The following CIMAP1A variants were observed in gnomAD, a reference collection of about 807,000 sequenced individuals.
CIMAP1A encodes ciliary microtubule associated protein 1A.
the CIMAP1A span, chr11:198,036 G>C: frequency 6.5e-7 from 1 of 1,540,312 alleles, no homozygotes; most frequent in Non-Finnish European, 8.7e-7. Flanking sequence ...CAGCCCTGAA[G>C]TCAGCATTTC....
the CIMAP1A span, chr11:197,940 CAA>C: frequency 1.3e-6 from 2 of 1,508,296 alleles, no homozygotes; most frequent in South Asian, 1.3e-5. Flanking sequence ...GACTCTGGCC[CAA>C]GAGTCCAGCT....
At chr11:197,434 G>A in the CIMAP1A span, 17 of 1,597,812 alleles carry the variant, frequency 1.1e-5, no homozygotes, top group African/African-American at 1.9e-4. Context: ...GAGAGACTGT[G>A]GGAGAGGGTC....
the CIMAP1A span, chr11:198,609 C>G: frequency 6.3e-7 from 1 of 1,584,856 alleles, no homozygotes; most frequent in Middle Eastern, 1.7e-4. Context: ...CAACTGAGAA[C>G]AGAGAATCAC....
the CIMAP1A span, chr11:199,775 C>A: frequency 2.1e-6 from 3 of 1,442,496 alleles, no homozygotes; most frequent in Non-Finnish European, 2.7e-6. Flanking sequence ...TTTCCCTAGA[C>A]ACTGTGACAG....
the CIMAP1A span, chr11:199,789 C>T: frequency 1.4e-6 from 2 of 1,448,136 alleles, no homozygotes; most frequent in African/African-American, 1.4e-5. Context: ...GTGACAGCTA[C>T]TACTGCTGAG....
At chr11:199,801 G>A in the CIMAP1A span, 9 of 1,456,224 alleles carry the variant, frequency 6.2e-6, no homozygotes, top group Non-Finnish European at 9.0e-7. Context: ...ACTGCTGAGT[G>A]CTCTGTGTTC....
chr11:198,301 G>A, the CIMAP1A span: 4 of 1,613,782 alleles, frequency 2.5e-6, no homozygotes, highest in Non-Finnish European at 3.4e-6. Context: ...AGCACCCCAG[G>A]TCCGCAGCAG....
At chr11:199,287 C>G in the CIMAP1A span, 1 of 1,525,676 alleles carries the variant, frequency 6.6e-7, no homozygotes, top group Non-Finnish European at 8.8e-7. Flanking sequence ...CCTGTTGACT[C>G]AGAGCCTGAG....
the CIMAP1A span, chr11:197,954 C>T: frequency 4.9e-5 from 74 of 1,518,956 alleles, no homozygotes; most frequent in South Asian, 1.9e-4. Context: ...AGTCCAGCTC[C>T]GACCTGGACC....
the CIMAP1A span, chr11:197,951 C>A: frequency 6.6e-7 from 1 of 1,517,792 alleles, no homozygotes; most frequent in South Asian, 1.3e-5. Context: ...AAGAGTCCAG[C>A]TCCGACCTGG....
the CIMAP1A span, chr11:198,428 C>T: frequency 6.2e-7 from 1 of 1,613,166 alleles, no homozygotes. Flanking sequence ...AGCAGTGGGC[C>T]CTGTTCCGGC....
the CIMAP1A span, chr11:199,437 C>T: frequency 6.4e-7 from 1 of 1,568,950 alleles, no homozygotes; most frequent in Non-Finnish European, 8.6e-7. Context: ...CGCAGTACAC[C>T]ATGGCTGCCC....
chr11:198,371 C>A, the CIMAP1A span: 1 of 1,613,266 alleles, frequency 6.2e-7, no homozygotes, highest in Non-Finnish European at 8.5e-7. Flanking sequence ...TGACATGGGG[C>A]AGCCCGACGG....
chr11:200,177 T>TA, the CIMAP1A span: 1 of 693,398 alleles, frequency 1.4e-6, no homozygotes, highest in South Asian at 1.9e-5. Flanking sequence ...TGTAATCAGT[T>TA]ACTTTTTTTC....
chr11:199,915 G>A, the CIMAP1A span: 2 of 1,612,566 alleles, frequency 1.2e-6, no homozygotes, highest in African/African-American at 1.3e-5. Flanking sequence ...CAGGGGTGCT[G>A]GTTCCTATCA....
the CIMAP1A span, chr11:199,671 G>GGGGGGGGA: frequency 1.3e-6 from 1 of 760,596 alleles, no homozygotes; most frequent in Non-Finnish European, 1.8e-6. Flanking sequence ...GTGGGGTGGG[G>GGGGGGGGA]ATGGGAGGCA....
the CIMAP1A span, chr11:198,496 G>C: frequency 1.2e-6 from 2 of 1,613,296 alleles, no homozygotes; most frequent in East Asian, 4.5e-5. Context: ...CATGGTAATG[G>C]GGCCCAATAC....
chr11:197,328 T>C, the CIMAP1A span: 2 of 1,585,518 alleles, frequency 1.3e-6, no homozygotes, highest in East Asian at 2.3e-5. Context: ...TATGGATGGG[T>C]ACCTGGAGGC....
chr11:199,048 T>C, the CIMAP1A span: 19 of 1,228,330 alleles, frequency 1.5e-5, no homozygotes, highest in Non-Finnish European at 1.9e-5. Flanking sequence ...CATGTTGATT[T>C]TGCCAGCCCC....
Sources: allele counts gnomAD v4.1 joint callset, GRCh38; gene constraint gnomAD v4.1.1; transcripts MANE v1.5; gene names NCBI Gene and HGNC (gene_info 2026-07-23, HGNC 2026-07-21).